ATF2: variants seen among roughly 807,000 people sequenced by gnomAD.
ATF2 encodes the protein activating transcription factor 2.
In ATF2, 24 loss-of-function variants were observed where a neutral mutation model predicts 60.6. The observed-to-expected ratio is 0.40, with a 90% CI of 0.29 to 0.56. The LOEUF (loss-of-function observed/expected upper bound fraction) is 0.56, where lower values mean the gene tolerates loss of function less well. ATF2 is among the 20% of genes least tolerant of loss of function. The probability of loss-of-function intolerance (pLI) is 0.54; values close to 1 mark genes in which losing one functional copy is unlikely to be tolerated. For missense variants in ATF2, 433 were observed against 607.7 expected (o/e 0.71, Z 3.02); for synonymous variants, 206 against 215.4 (o/e 0.96, Z 0.38).
Position 175,105,084 on chromosome 2 carries a change from T to A in ATF2, c.828+6484A>T, listed in dbSNP as rs1559069452. On this transcript the variant is annotated intron_variant, in intron 10 of 13. Transcript: ENST00000264110. ...TACTTAAGAAAGACAATTGAGAGAATTATTGAGTACATAGCTTTACATGTA... is the reference window on the plus strand; with the variant it reads ...TACTTAAGAAAGACAATTGAGAGAAATATTGAGTACATAGCTTTACATGTA... Among the ~76,000 whole-genome samples the A allele has an allele frequency of 3.3e-5, 5 of 152,218 alleles. No individual in the cohort carries two copies. In the South Asian group the frequency reaches 8.3e-4, roughly 25 times the overall value.
At chr2:175,101,336 A>C (rs1695297786) in intron 10 of ATF2, among the ~76,000 whole-genome samples, 1 of 152,198 alleles carries the variant, frequency 6.6e-6, no homozygotes, top group African/African-American at 2.4e-5. Flanking sequence ...AAAGGGAGAG[A>C]GTCTTGGGAG....
intron 4 of ATF2, among the ~76,000 whole-genome samples, chr2:175,122,610 A>G (rs1697041333): frequency 1.3e-5 from 2 of 152,048 alleles, no homozygotes; most frequent in African/African-American, 4.8e-5. Context: ...CATTTTTAAC[A>G]TTTTAACATC....
At chr2:175,083,354 C>T (rs1258740632) in intron 12 of ATF2, among the ~76,000 whole-genome samples, 1 of 152,190 alleles carries the variant, frequency 6.6e-6, no homozygotes, top group Non-Finnish European at 1.5e-5. Context: ...ATATGTACAA[C>T]TATCTGATCG....
intron 11 of ATF2, among the ~76,000 whole-genome samples, chr2:175,095,156 G>C (rs549750179): frequency 1.3e-4 from 19 of 150,852 alleles, no homozygotes; most frequent in Non-Finnish European, 2.2e-4. Context: ...GGAGTGCAAT[G>C]ACGTGATCTT....
At chr2:175,112,153 TC>T (rs1230883071) in intron 9 of ATF2, among the ~76,000 whole-genome samples, 3 of 152,220 alleles carry the variant, frequency 2.0e-5, no homozygotes, top group Admixed American at 6.5e-5. Flanking sequence ...TTTGGTTTTT[TC>T]CTTTTTTTTC....
intron 8 of ATF2, chr2:175,114,489 T>C (rs1321790508): frequency 3.1e-6 from 4 of 1,286,834 alleles, no homozygotes; most frequent in East Asian, 3.0e-5. Flanking sequence ...TCTATATTTG[T>C]TTTTAGTTGT....
intron 6 of ATF2, 27 bp downstream of exon 6, chr2:175,118,224 T>A (rs562363203): frequency 3.1e-6 from 5 of 1,593,258 alleles, no homozygotes; most frequent in Non-Finnish European, 4.3e-6. Context: ...AGAAGTACTC[T>A]TTTTAAATTT....
chr2:175,166,420 C>A (rs1700354462), intron 1 of ATF2, among the ~76,000 whole-genome samples: 1 of 152,142 alleles, frequency 6.6e-6, no homozygotes, highest in Admixed American at 6.5e-5. Flanking sequence ...AACTATTACG[C>A]AACTACTGAT....
At chr2:175,146,991 G>GT (rs899556441) in intron 2 of ATF2, among the ~76,000 whole-genome samples, 2 of 152,042 alleles carry the variant, frequency 1.3e-5, no homozygotes, top group African/African-American at 4.8e-5. Flanking sequence ...AACTCTGCTT[G>GT]TTTTTTGTTT....
intron 2 of ATF2, among the ~76,000 whole-genome samples, chr2:175,140,673 A>G (rs142616170): frequency 2.7e-4 from 39 of 147,120 alleles, no homozygotes; most frequent in African/African-American, 1.0e-3. Flanking sequence ...TTTTAAAAGG[A>G]TACCTTGAAC....
intron 4 of ATF2, 103 bp from the exon 5 acceptor site, chr2:175,121,643 A>G: frequency 1.2e-6 from 1 of 809,572 alleles, no homozygotes; most frequent in Non-Finnish European, 1.9e-6. Flanking sequence ...CACCATTAAC[A>G]GTGAAATAGC....
chr2:175,096,401 G>A (rs1379194859), intron 11 of ATF2, among the ~76,000 whole-genome samples: 1 of 152,122 alleles, frequency 6.6e-6, no homozygotes, highest in Non-Finnish European at 1.5e-5. Context: ...ATTTATGTTA[G>A]TAATGTAATA....
At chr2:175,128,242 T>C (rs1255702686) in intron 4 of ATF2, among the ~76,000 whole-genome samples, 1 of 152,258 alleles carries the variant, frequency 6.6e-6, no homozygotes, top group Non-Finnish European at 1.5e-5. Context: ...GGCTCACGCC[T>C]ATCATCTCAG....
chr2:175,144,195 C>T (rs1297557565), intron 2 of ATF2, among the ~76,000 whole-genome samples: 3 of 152,130 alleles, frequency 2.0e-5, no homozygotes, highest in Non-Finnish European at 4.4e-5. Context: ...TCGGGCACCT[C>T]GTCGTTAGGT....
At chr2:175,130,320 A>C in intron 3 of ATF2, 113 bp from the exon 4 acceptor site, 1 of 591,436 alleles carries the variant, frequency 1.7e-6, no homozygotes, top group East Asian at 3.5e-5. Context: ...TTTAATACAA[A>C]ATAAAACACT....
At chr2:175,107,514 GT>G (rs1166885638) in intron 10 of ATF2, among the ~76,000 whole-genome samples, 1 of 148,366 alleles carries the variant, frequency 6.7e-6, no homozygotes, top group African/African-American at 2.5e-5. Flanking sequence ...ATAGAAGTAC[GT>G]TTTGTGGCTC....
intron 1 of ATF2, among the ~76,000 whole-genome samples, chr2:175,152,861 G>A (rs1174235240): frequency 6.6e-6 from 1 of 152,142 alleles, no homozygotes; most frequent in Non-Finnish European, 1.5e-5. Context: ...AAGGACAAAT[G>A]GCTCTGTGGG....
At chr2:175,129,573 T>C (rs369261138) in intron 4 of ATF2, among the ~76,000 whole-genome samples, 1 of 152,118 alleles carries the variant, frequency 6.6e-6, no homozygotes, top group Non-Finnish European at 1.5e-5. Context: ...ACATTTATTC[T>C]TTAATTCTTC....
At chr2:175,112,002 A>T (rs538033747) in intron 9 of ATF2, among the ~76,000 whole-genome samples, 4 of 152,228 alleles carry the variant, frequency 2.6e-5, no homozygotes, top group Non-Finnish European at 4.4e-5. Context: ...AAAACTTGTG[A>T]CACTTAGGCA....
Sources: allele counts gnomAD v4.1 joint callset (sites outside exome capture counted in the v4.1 genomes callset), GRCh38; gene constraint gnomAD v4.1.1; transcripts MANE v1.5; gene names NCBI Gene and HGNC (gene_info 2026-07-23, HGNC 2026-07-21).